STARD13: variants seen among roughly 807,000 people sequenced by gnomAD.
The protein encoded by STARD13 is StAR related lipid transfer domain containing 13, also known as stAR-related lipid transfer protein 13.
In STARD13, 62 loss-of-function variants were observed where a neutral mutation model predicts 106.4. The ratio of observed to expected loss-of-function variants is 0.58; its 90% CI spans 0.48 to 0.72. The LOEUF (loss-of-function observed/expected upper bound fraction) is 0.72. STARD13 is among the 30% of genes least tolerant of loss of function. STARD13 has a pLI of 0.00. For missense variants in STARD13, 1,387 were observed against 1,424.0 expected (o/e 0.97, Z 0.42); for synonymous variants, 565 against 553.0 (o/e 1.02, Z -0.31).
chr13:33,350,308 G>A lies in STARD13; in HGVS notation c.106C>T (p.Arg36Trp), dbSNP rs1256948902. Residue 36 changes from arginine (R) to tryptophan (W), a missense_variant, in exon 1 of 2, where the codon CGG (arginine) becomes TGG (tryptophan). Transcript: ENST00000439831. ...CACTGACCTGCCAGCCGCCTCTCCC[G>A]GACGTTCTTCCACAGCAGATCCCAG... 29 of 1,532,264 alleles carry A rather than the reference G, an allele frequency of 1.9e-5. No homozygotes were observed. The East Asian group carries it at 3.2e-4, about 17-fold the overall frequency. The allele number at this position is 1,532,264 out of a possible 1,614,324, so 94.9% of individuals were successfully genotyped here.
At chr13:33,284,805 A>G (rs1891973963) in intron 1 of STARD13, among the ~76,000 whole-genome samples, 1 of 152,136 alleles carries the variant, frequency 6.6e-6, no homozygotes, top group South Asian at 2.1e-4. Context: ...CTGGGAATAA[A>G]AAGAATATCA....
intron 1 of STARD13, among the ~76,000 whole-genome samples, chr13:33,292,487 T>C (rs570624980): frequency 2.0e-5 from 3 of 151,266 alleles, no homozygotes; most frequent in Admixed American, 6.6e-5. Context: ...TGTAGTCCCA[T>C]CTAATTGGAA....
downstream of STARD13, among the ~76,000 whole-genome samples, chr13:33,345,223 T>A (rs895640663): frequency 4.6e-5 from 7 of 152,176 alleles, no homozygotes; most frequent in African/African-American, 1.7e-4. Context: ...TTGTTTCAAA[T>A]CCCTATAAGC....
intron 4 of STARD13, among the ~76,000 whole-genome samples, chr13:33,133,611 T>C (rs1878632716): frequency 6.6e-6 from 1 of 151,836 alleles, no homozygotes; most frequent in African/African-American, 2.4e-5. Context: ...AAAAATGTAT[T>C]TTCCATCACA....
intron 1 of STARD13, among the ~76,000 whole-genome samples, chr13:33,199,416 G>A (rs546241321): frequency 6.6e-6 from 1 of 152,312 alleles, no homozygotes; most frequent in Non-Finnish European, 1.5e-5. Context: ...TTTGGAGGAG[G>A]AGAACTGTAG....
chr13:33,205,761 A>C (rs1173406434), intron 1 of STARD13: 1 of 697,648 alleles, frequency 1.4e-6, no homozygotes, highest in African/African-American at 1.9e-5. Context: ...TCTACATAGG[A>C]AGTAACTGTT....
At chr13:33,259,627 CCT>C (rs1890537182) in intron 1 of STARD13, among the ~76,000 whole-genome samples, 1 of 152,156 alleles carries the variant, frequency 6.6e-6, no homozygotes, top group Non-Finnish European at 1.5e-5. Context: ...GCAAAGGAAT[CCT>C]CTGTTTATGG....
chr13:33,139,424 A>G (rs1317148758), intron 4 of STARD13, among the ~76,000 whole-genome samples: 1 of 152,212 alleles, frequency 6.6e-6, no homozygotes, highest in Non-Finnish European at 1.5e-5. Context: ...TGCTATCCCT[A>G]CAAACTGCTG....
At chr13:33,192,898 C>CA (rs544139108) in intron 1 of STARD13, among the ~76,000 whole-genome samples, 2,387 of 144,970 alleles carry the variant, frequency 0.016, 56 homozygotes, top group African/African-American at 0.053. Context: ...AACTCTGTCT[C>CA]AAAAAAAAAA....
intron 8 of STARD13, among the ~76,000 whole-genome samples, chr13:33,114,060 A>C (rs932237382): frequency 4.0e-5 from 6 of 151,598 alleles, no homozygotes; most frequent in Admixed American, 3.9e-4. Flanking sequence ...AATCATTAGC[A>C]CTCCCACGTG....
chr13:33,488,235 C>T, the STARD13 span, among the ~76,000 whole-genome samples: 1 of 152,154 alleles, frequency 6.6e-6, no homozygotes, highest in Non-Finnish European at 1.5e-5. Flanking sequence ...TCCATCTCCG[C>T]TAGCACGATT....
chr13:33,212,605 A>T (rs1887788366), intron 1 of STARD13, among the ~76,000 whole-genome samples: 1 of 152,182 alleles, frequency 6.6e-6, no homozygotes, highest in Non-Finnish European at 1.5e-5. Flanking sequence ...CTCTAGGGTC[A>T]TGGAGCCTAT....
At chr13:33,313,639 C>T (rs917580213) in intron 1 of STARD13, among the ~76,000 whole-genome samples, 4 of 152,148 alleles carry the variant, frequency 2.6e-5, no homozygotes, top group African/African-American at 9.7e-5. Context: ...TGTTTTTCAG[C>T]TGCATGTAGC....
Position 33,320,009 on chromosome 13 carries a change from C to A in STARD13, c.124+30281G>T, listed in dbSNP as rs114154532. ...CCATCTCAACATCCTCCTCTGTAAACTTGGATAATAGGATTGCCTACTGTT... is the reference window on the plus strand; with the variant it reads ...CCATCTCAACATCCTCCTCTGTAAAATTGGATAATAGGATTGCCTACTGTT... On this transcript the variant is annotated intron_variant, in intron 1 of 5. Transcript: ENST00000567873. Among the ~76,000 whole-genome samples the A allele has an allele frequency of 4.7e-3, 717 of 152,274 alleles. 6 individuals carry two copies. The highest frequency in any genetic ancestry group is 0.016 in the African/African-American group (671 of 41,552).
At chr13:33,151,930 T>A (rs754276806) in intron 3 of STARD13, among the ~76,000 whole-genome samples, 28 of 152,068 alleles carry the variant, frequency 1.8e-4, no homozygotes, top group Non-Finnish European at 3.1e-4. Flanking sequence ...AGAGGATGAC[T>A]CCCAGATTTC....
chr13:33,586,181 A>AT, the STARD13 span, among the ~76,000 whole-genome samples: 1 of 152,226 alleles, frequency 6.6e-6, no homozygotes, highest in Non-Finnish European at 1.5e-5. Flanking sequence ...ATGCTCCTTG[A>AT]TTTTTGTGTA....
chr13:33,384,053 G>C, the STARD13 span, among the ~76,000 whole-genome samples: 2 of 152,130 alleles, frequency 1.3e-5, no homozygotes, highest in Admixed American at 1.3e-4. Context: ...TCTATTTAAT[G>C]TGTCACCTGC....
downstream of STARD13, among the ~76,000 whole-genome samples, chr13:33,347,191 T>C (rs1242338172): frequency 6.6e-6 from 1 of 152,222 alleles, no homozygotes; most frequent in African/African-American, 2.4e-5. Context: ...ACTGCATATA[T>C]GACAGTGGTC....
intron 1 of STARD13, among the ~76,000 whole-genome samples, chr13:33,311,930 A>G (rs7329375): frequency 0.064 from 9,686 of 152,274 alleles, 1,024 homozygotes; most frequent in African/African-American, 0.22. Context: ...GCAGAGAGGT[A>G]GGGAAAGTGT....
Sources: allele counts gnomAD v4.1 joint callset (sites outside exome capture counted in the v4.1 genomes callset), GRCh38; gene constraint gnomAD v4.1.1; transcripts MANE v1.5; gene names NCBI Gene and HGNC (gene_info 2026-07-23, HGNC 2026-07-21).